The following FBLN1 variants were observed in gnomAD, a reference collection of about 807,000 sequenced individuals.
FBLN1 encodes the protein fibulin-1.
Under a neutral mutation model 89.7 loss-of-function variants are expected in FBLN1, and 34 were observed. The ratio of observed to expected loss-of-function variants is 0.38; its 90% CI spans 0.29 to 0.50. The LOEUF (loss-of-function observed/expected upper bound fraction) is 0.50. FBLN1 is among the 20% of genes least tolerant of loss of function. The pLI, the probability that FBLN1 is intolerant of heterozygous loss-of-function variation, is 0.92. For synonymous variants in FBLN1, 393 were observed against 391.3 expected (o/e 1.00, Z -0.05); for missense variants, 777 against 988.1 (o/e 0.79, Z 2.86).
At chr22:45,503,950 G>C (rs1025605431) in intron 1 of FBLN1, among the ~76,000 whole-genome samples, 2 of 152,190 alleles carry the variant, frequency 1.3e-5, no homozygotes, top group African/African-American at 4.8e-5. Context: ...GATCAGAGCA[G>C]CTGCTGGGCG....
intron 11 of FBLN1, among the ~76,000 whole-genome samples, chr22:45,544,208 T>A (rs976402875): frequency 1.2e-4 from 19 of 152,074 alleles, no homozygotes; most frequent in Non-Finnish European, 2.5e-4. Context: ...TGCCTCAGCC[T>A]CCCGAATAGC....
intron 14 of FBLN1, among the ~76,000 whole-genome samples, chr22:45,553,908 C>T (rs6007089): frequency 0.015 from 2,252 of 152,288 alleles, 48 homozygotes; most frequent in African/African-American, 0.05. Context: ...AGCGGGAAGC[C>T]GAAATCCCAC....
chr22:45,518,871 C>T, intron 2 of FBLN1, 84 bp downstream of exon 2: 1 of 1,253,714 alleles, frequency 8.0e-7, no homozygotes, highest in Non-Finnish European at 1.1e-6. Context: ...GTGTGCCAGA[C>T]CTCTCGGGAG....
chr22:45,597,363 C>T lies in FBLN1; in HGVS notation c.1973-2944C>T, dbSNP rs1311781580. Among the ~76,000 whole-genome samples, 1 of 152,154 alleles carries T rather than the reference C, an allele frequency of 6.6e-6. No individual in the cohort carries two copies. Among genetic ancestry groups the T allele is most frequent in the Non-Finnish European group, 1.5e-5 (1 of 68,040 alleles). ...CCTGCCATTCCTCCCTACAGTGATT[C>T]ACAGGCTCACCCAGCCTCTCCTTCT... On this transcript the variant is annotated intron_variant, in intron 16 of 16. Transcript: ENST00000327858. The surrounding 1 kb of genome is among the most constrained non-coding windows in gnomAD (Gnocchi z 4.2).
At chr22:45,596,540 T>C (rs2089187460) in intron 16 of FBLN1, among the ~76,000 whole-genome samples, 1 of 148,088 alleles carries the variant, frequency 6.8e-6, no homozygotes, top group African/African-American at 2.6e-5. Context: ...AAGATAAATA[T>C]ATAAATATAT....
Position 45,532,376 on chromosome 22 carries a change from A to G in FBLN1, c.545-687A>G, listed in dbSNP as rs889125459. On this transcript the variant is annotated intron_variant, in intron 5 of 16. Coordinates refer to ENST00000327858, the MANE Select transcript of FBLN1 (RefSeq NM_006486.3). The surrounding 1 kb of genome is among the most constrained non-coding windows in gnomAD (Gnocchi z 4.2). ...GTAAAGGGCACGGACCCACTGTAGC[A>G]GGGTACTGGGAGGCAGTGGGCTGGG... Among the ~76,000 whole-genome samples, 2 of 152,098 alleles carry G rather than the reference A, an allele frequency of 1.3e-5. No individual in the cohort carries two copies. The highest frequency in any genetic ancestry group is 1.5e-5 in the Non-Finnish European group (1 of 67,998).
In FBLN1 at chr22:45,561,271, C is replaced by T. The variant is rs2088848055; in HGVS notation, c.1697+10656C>T. Among the ~76,000 whole-genome samples, 2 of 152,334 alleles carry T rather than the reference C, an allele frequency of 1.3e-5. No homozygotes were observed. The highest frequency in any genetic ancestry group is 4.1e-4 in the South Asian group (2 of 4,826). On this transcript the variant is annotated intron_variant, in intron 14 of 16. Transcript: ENST00000327858. The surrounding 1 kb of genome is among the most constrained non-coding windows in gnomAD (Gnocchi z 4.7). ...CTCTTCCTCTACAGGAGATAAGACT[C>T]TCACTCAGGGCAATCTTAGCAGATT...
rs777407906 is a variant in FBLN1 at position 45,572,054 on chromosome 22, G to C, written c.1698-2457G>C. Reference sequence around the variant, plus strand: ...TGAGGCAGGAGAATCACTTGAACCCGGGAGGTGGAGGTTGCAGTGAGCCGA... The same window carrying C: ...TGAGGCAGGAGAATCACTTGAACCCCGGAGGTGGAGGTTGCAGTGAGCCGA... On this transcript the variant is annotated intron_variant, in intron 14 of 16. Transcript: ENST00000327858. The surrounding 1 kb of genome is among the most constrained non-coding windows in gnomAD (Gnocchi z 5.8). Among the ~76,000 whole-genome samples, 1 of 152,088 alleles carries C rather than the reference G, an allele frequency of 6.6e-6. No individual in the cohort carries two copies. The highest frequency in any genetic ancestry group is 2.4e-5 in the African/African-American group (1 of 41,416).
At position 45,537,974 on chromosome 22, in the gene FBLN1, G is replaced by A. The variant is rs1017212824; in HGVS notation, c.922+2637G>A. ...CCTGACTCATGGCAAAATCAGCCCC[G>A]ATTTCCACAAAGAGGCAATGTTTGC... On this transcript the variant is annotated intron_variant, in intron 8 of 16. Coordinates refer to ENST00000327858, the MANE Select transcript of FBLN1 (RefSeq NM_006486.3). This position sits in a 1 kb window ranked among gnomAD's most constrained non-coding sequence, Gnocchi z 5.7. Among the ~76,000 whole-genome samples, 1 of 152,226 alleles carries A rather than the reference G, an allele frequency of 6.6e-6. No homozygotes were observed. Among genetic ancestry groups the A allele is most frequent in the Non-Finnish European group, 1.5e-5 (1 of 68,040 alleles).
intron 11 of FBLN1, 147 bp downstream of exon 11, chr22:45,543,673 T>G (rs1050452915): frequency 8.6e-7 from 1 of 1,166,438 alleles, no homozygotes; most frequent in Non-Finnish European, 1.2e-6. Flanking sequence ...AAAATATTGT[T>G]CATCAGAGAG....
chr22:45,512,172 G>A lies in FBLN1; in HGVS notation c.80-6510G>A, dbSNP rs140292367. 2.0e-3 allele frequency among the ~76,000 whole-genome samples: 311 copies of A among 151,952 alleles called. 1 individual carries two copies. The highest frequency in any genetic ancestry group is 3.2e-3 in the Non-Finnish European group (220 of 67,960). On this transcript the variant is annotated intron_variant, in intron 1 of 16. Coordinates refer to ENST00000327858, the MANE Select transcript of FBLN1 (RefSeq NM_006486.3). Reference sequence around the variant, plus strand: ...CTCAGAGCTGCTCACAGCTGTTGGCGGTCTGGGATGGAAGAAGCAGGCGTG... The same window carrying A: ...CTCAGAGCTGCTCACAGCTGTTGGCAGTCTGGGATGGAAGAAGCAGGCGTG...
Position 45,536,742 on chromosome 22 carries a change from G to A in FBLN1, c.922+1405G>A, listed in dbSNP as rs2088487086. ...ATCACGCCACTGTACTCCAGCCTGG[G>A]TGACAGAGTGAGACTCCATCTCAAA... is the stretch of plus-strand genomic sequence containing the variant. On this transcript the variant is annotated intron_variant, in intron 8 of 16. Transcript: ENST00000327858. This position sits in a 1 kb window ranked among gnomAD's most constrained non-coding sequence, Gnocchi z 5.1. 6.6e-6 allele frequency among the ~76,000 whole-genome samples: 1 copy of A among 151,860 alleles called. No individual in the cohort carries two copies. The highest frequency in any genetic ancestry group is 2.1e-4 in the South Asian group (1 of 4,798).
chr22:45,533,503 G>C (rs2088438025), intron 6 of FBLN1, among the ~76,000 whole-genome samples: 1 of 152,192 alleles, frequency 6.6e-6, no homozygotes, highest in South Asian at 2.1e-4. Context: ...AGAAGATGCT[G>C]CCCCTCCGTG....
chr22:45,509,994 C>CT (rs1241693012), intron 1 of FBLN1, among the ~76,000 whole-genome samples: 2 of 152,176 alleles, frequency 1.3e-5, no homozygotes, highest in African/African-American at 2.4e-5. Flanking sequence ...TCAGCTGCCT[C>CT]TGAGTTTTTG....
chr22:45,505,577 C>T (rs908208776), intron 1 of FBLN1, among the ~76,000 whole-genome samples: 1 of 152,196 alleles, frequency 6.6e-6, no homozygotes, highest in Non-Finnish European at 1.5e-5. Context: ...GCGGCTGACT[C>T]ATCTTCAGGT....
intron 2 of FBLN1, among the ~76,000 whole-genome samples, chr22:45,519,641 A>AG (rs397831992): frequency 6.6e-6 from 1 of 150,914 alleles, no homozygotes; most frequent in African/African-American, 2.4e-5. Context: ...AAAAAAAAAA[A>AG]GGAATAAATG....
intron 14 of FBLN1, chr22:45,565,717 AATGG>A (rs35615209): frequency 2.3e-4 from 36 of 157,394 alleles, no homozygotes; most frequent in African/African-American, 7.0e-4. Context: ...TGGACAGACC[AATGG>A]ATGGATGGAT....
intron 11 of FBLN1, among the ~76,000 whole-genome samples, chr22:45,546,029 TC>T (rs2088622013): frequency 6.6e-6 from 1 of 151,928 alleles, no homozygotes. Flanking sequence ...ACACCTGTAA[TC>T]CCCCAGCTAC....
chr22:45,561,400 A>G lies in FBLN1; in HGVS notation c.1697+10785A>G, dbSNP rs189052827. On this transcript the variant is annotated intron_variant, in intron 14 of 16. Transcript: ENST00000327858. The surrounding 1 kb of genome is among the most constrained non-coding windows in gnomAD (Gnocchi z 4.7). ...AACTTAGGAGCAACCAACCAGCTTC[A>G]TTATGTTCCTTGGTTCTCCACATAT... Among the ~76,000 whole-genome samples, 51 of 152,338 alleles carry G rather than the reference A, an allele frequency of 3.3e-4. No homozygotes were observed. Among genetic ancestry groups the G allele is most frequent in the African/African-American group, 1.0e-3 (42 of 41,574 alleles).
Sources: allele counts gnomAD v4.1 joint callset (sites outside exome capture counted in the v4.1 genomes callset), GRCh38; gene constraint gnomAD v4.1.1; non-coding constraint Gnocchi (gnomAD v3.1); transcripts MANE v1.5; gene names NCBI Gene and HGNC (gene_info 2026-07-23, HGNC 2026-07-21).